Variants in TFCP2 observed in about 807,000 individuals in gnomAD.
The protein encoded by TFCP2 is transcription factor CP2.
TFCP2 carries 33 observed loss-of-function variants against 73.4 expected under a neutral mutation model. The observed-to-expected ratio is 0.45, with a 90% confidence interval of 0.34 to 0.60. TFCP2 has a LOEUF of 0.60. TFCP2 is among the 20% of genes least tolerant of loss of function. The pLI, the probability that TFCP2 is intolerant of heterozygous loss-of-function variation, is 0.01. For synonymous variants in TFCP2, 193 were observed against 211.6 expected, an observed-to-expected ratio of 0.91 and a Z score of 0.76; for missense variants, 352 against 604.0, an observed-to-expected ratio of 0.58 and a Z score of 4.37.
chr12:51,109,353 C>T, intron 5 of TFCP2, 80 bp from the exon 6 acceptor site: 2 of 1,477,720 alleles, frequency 1.4e-6, no homozygotes, highest in East Asian at 2.3e-5. Context: ...CAACTATTAA[C>T]AGCAAAACCT....
At chr12:51,141,568 T>A (rs1162348865) in intron 1 of TFCP2, among the ~76,000 whole-genome samples, 1 of 152,016 alleles carries the variant, frequency 6.6e-6, no homozygotes, top group Non-Finnish European at 1.5e-5. Flanking sequence ...ACTATTTTTT[T>A]AAATAACTAA....
chr12:51,130,819 T>A (rs543584087), intron 1 of TFCP2, among the ~76,000 whole-genome samples: 5 of 151,942 alleles, frequency 3.3e-5, no homozygotes, highest in African/African-American at 1.2e-4. Flanking sequence ...AAACCCCATC[T>A]CTACTGAAAA....
At position 51,104,166 on chromosome 12, in the gene TFCP2, G is replaced by A. The variant is rs778282361; in HGVS notation, c.955C>T (p.Pro319Ser). ...SPNHQPEPPPPVTDNLLPTTT... is the reference protein window; with the variant it reads ...SPNHQPEPPPSVTDNLLPTTT... The stretch of plus-strand genomic sequence containing the variant: ...AACTTTAGACTTACATCTGTGACTG[G>A]AGGGGGTGGCTCTGGCTGGTGGTTT... The change falls in exon 9 of 15, where the codon CCA becomes TCA. Residue 319 changes from proline (P) to serine (S), a missense_variant. Coordinates refer to ENST00000257915, the MANE Select transcript of TFCP2 (RefSeq NM_005653.5). 56 of 1,614,030 alleles carry A rather than the reference G, an allele frequency of 3.5e-5. 1 individual carries two copies. The South Asian group carries it at 4.8e-4, about 14-fold the overall frequency.
In TFCP2 at chr12:51,098,759, T is replaced by G. The variant is rs752392355; in HGVS notation, c.1419+17A>C. ...ATTAATCATCATCTGGTAATTCAAC[T>G]GTACTGAAAAATCTACCTCATCACT... On this transcript the variant is annotated intron_variant, in intron 13 of 14. Coordinates refer to ENST00000257915, the MANE Select transcript of TFCP2 (RefSeq NM_005653.5). The G allele has an allele frequency of 2.5e-6, 4 of 1,614,042 alleles. No individual in the cohort carries two copies. In the Admixed American group the frequency reaches 6.7e-5, roughly 27 times the overall value.
At chr12:51,151,471 C>T (rs1444958576) in intron 1 of TFCP2, among the ~76,000 whole-genome samples, 2 of 152,184 alleles carry the variant, frequency 1.3e-5, no homozygotes, top group East Asian at 3.8e-4. Context: ...GAGTCTCTCC[C>T]TGTCGCCCAG....
chr12:51,117,483 A>C (rs1202583936), intron 3 of TFCP2, among the ~76,000 whole-genome samples, 188 bp downstream of exon 3: 2 of 152,154 alleles, frequency 1.3e-5, no homozygotes, highest in Non-Finnish European at 2.9e-5. Context: ...AATTCATGTG[A>C]ATACTGGGGC....
chr12:51,122,117 A>G (rs1940691228), intron 1 of TFCP2, among the ~76,000 whole-genome samples: 1 of 152,144 alleles, frequency 6.6e-6, no homozygotes, highest in Non-Finnish European at 1.5e-5. Context: ...TACTGGCATG[A>G]ACACTAAAAA....
intron 11 of TFCP2, among the ~76,000 whole-genome samples, chr12:51,101,461 A>C (rs1480200612): frequency 6.6e-6 from 1 of 152,108 alleles, no homozygotes; most frequent in Non-Finnish European, 1.5e-5. Flanking sequence ...AACTCAGCTT[A>C]AGTATCCCCT....
At chr12:51,116,694 C>T (rs967477652) in intron 3 of TFCP2, among the ~76,000 whole-genome samples, 4 of 151,460 alleles carry the variant, frequency 2.6e-5, no homozygotes, top group Admixed American at 6.6e-5. Flanking sequence ...CTCGGCTCAC[C>T]GCAACCTCCA....
intron 1 of TFCP2, among the ~76,000 whole-genome samples, chr12:51,158,670 G>T (rs570808926): frequency 3.2e-4 from 48 of 151,590 alleles, no homozygotes; most frequent in African/African-American, 1.1e-3. Context: ...TATATTTTTA[G>T]TAAAGACAGG....
chr12:51,125,073 T>C lies in TFCP2; in HGVS notation c.123-6301A>G, dbSNP rs574088625. 1.1e-4 allele frequency: 85 copies of C among 754,994 alleles called. 1 individual carries two copies. The highest frequency in any genetic ancestry group is 7.0e-4 in the Middle Eastern group (3 of 4,308). The allele number at this position is 754,994 out of a possible 1,614,324, so 46.8% of individuals were successfully genotyped here. On this transcript the variant is annotated intron_variant, in intron 1 of 14. Transcript: ENST00000257915. The stretch of plus-strand genomic sequence containing the variant: ...GATGTACGTCAGCACAGGCTCATCA[T>C]AGTCCTCTCCGATGCTGGTGAAGAT...
At chr12:51,126,101 T>C (rs1238398533) in intron 1 of TFCP2, among the ~76,000 whole-genome samples, 63 of 151,832 alleles carry the variant, frequency 4.1e-4, no homozygotes, top group Admixed American at 1.0e-3. Flanking sequence ...GGCGTGGTGT[T>C]GGGCGCCTGT....
chr12:51,133,171 T>C (rs1940987573), intron 1 of TFCP2, among the ~76,000 whole-genome samples: 1 of 151,738 alleles, frequency 6.6e-6, no homozygotes, highest in African/African-American at 2.4e-5. Context: ...AGCCATTGTA[T>C]GACATTTAAG....
At chr12:51,162,096 G>T (rs538347785) in intron 1 of TFCP2, among the ~76,000 whole-genome samples, 35 of 152,096 alleles carry the variant, frequency 2.3e-4, no homozygotes, top group African/African-American at 8.2e-4. Context: ...CAATGAACAT[G>T]AAGATAGAAT....
intron 4 of TFCP2, among the ~76,000 whole-genome samples, chr12:51,113,951 C>T (rs1447793080): frequency 6.6e-6 from 1 of 151,924 alleles, no homozygotes; most frequent in East Asian, 1.9e-4. Flanking sequence ...TCAAAATGGA[C>T]CTGTGACCTG....
chr12:51,124,415 T>C (rs916669006), intron 1 of TFCP2, among the ~76,000 whole-genome samples: 2 of 151,110 alleles, frequency 1.3e-5, no homozygotes, highest in Non-Finnish European at 2.9e-5. Flanking sequence ...TTTTCTTTTC[T>C]TCTTCTTCTT....
intron 1 of TFCP2, chr12:51,124,994 G>C (rs1940777092): frequency 1.4e-6 from 1 of 734,144 alleles, no homozygotes; most frequent in Non-Finnish European, 2.5e-6. Context: ...CTCTCTGAGT[G>C]ATAACTTCTC....
At chr12:51,161,097 T>C (rs1941639261) in intron 1 of TFCP2, among the ~76,000 whole-genome samples, 1 of 152,070 alleles carries the variant, frequency 6.6e-6, no homozygotes, top group Non-Finnish European at 1.5e-5. Flanking sequence ...CTTTTCTTAT[T>C]GGATCTAAGC....
intron 1 of TFCP2, among the ~76,000 whole-genome samples, chr12:51,157,985 A>AT (rs60512717): frequency 3.3e-5 from 5 of 149,682 alleles, no homozygotes; most frequent in Non-Finnish European, 5.9e-5. Flanking sequence ...ACCCATTTTA[A>AT]TTTTTTTTTC....
Sources: allele counts gnomAD v4.1 joint callset (sites outside exome capture counted in the v4.1 genomes callset), GRCh38; gene constraint gnomAD v4.1.1; transcripts MANE v1.5; gene names NCBI Gene and HGNC (gene_info 2026-07-23, HGNC 2026-07-21).